ABCA3: variants seen among roughly 807,000 people sequenced by gnomAD.
The protein encoded by ABCA3 is phospholipid-transporting ATPase ABCA3.
A neutral mutation model predicts 172.8 loss-of-function variants in ABCA3; 88 were observed. That is an observed-to-expected ratio of 0.51 (90% confidence interval 0.43 to 0.61). The LOEUF is 0.61. Ranked by LOEUF, ABCA3 falls within the 20% of genes least tolerant of loss-of-function variation. ABCA3 has a pLI of 0.00. For synonymous variants in ABCA3, 1,066 were observed against 983.8 expected, an observed-to-expected ratio of 1.08 and a Z score of -1.56; for missense variants, 2,164 against 2,301.0, an observed-to-expected ratio of 0.94 and a Z score of 1.22.
rs1206299749 is a variant in ABCA3 at position 2,283,339 on chromosome 16, G to A, written c.3882C>T (p.Asn1294=). ...CCCCCGGGGCGCTCCAGGCATAGAA[G>A]TTCTCCTGGTACTGGATGTCTGTGG... is the stretch of plus-strand genomic sequence containing the variant. The part of the protein sequence containing the change: ...CKKYNIQYQE[N]FYAWSAPGVG... The change falls in exon 26 of 33, where the codon AAC becomes AAT. Residue 1294 remains asparagine, a synonymous_variant. Coordinates refer to ENST00000301732, the MANE Select transcript of ABCA3 (RefSeq NM_001089.3). This position sits in a 1 kb window ranked among gnomAD's most constrained non-coding sequence, Gnocchi z 5.4. The A allele has an allele frequency of 6.2e-7, 1 of 1,613,090 alleles. No homozygotes were observed. Among genetic ancestry groups the A allele is most frequent in the Admixed American group, 1.7e-5 (1 of 60,028 alleles).
At chr16:2,308,005 G>T (rs2093700522) in intron 11 of ABCA3, among the ~76,000 whole-genome samples, 1 of 152,214 alleles carries the variant, frequency 6.6e-6, no homozygotes, top group African/African-American at 2.4e-5. Flanking sequence ...GAGGCAGGAG[G>T]ATTGCTTGAG....
At position 2,288,433 on chromosome 16, in the gene ABCA3, G is replaced by A. The variant is rs546800759; in HGVS notation, c.2701-104C>T. ...TGTTCTGTGTGACGCCAGCCTGGGGGCCTGCAGCTGAGGTTGCACCGGAGA... is the reference window on the plus strand; with the variant it reads ...TGTTCTGTGTGACGCCAGCCTGGGGACCTGCAGCTGAGGTTGCACCGGAGA... On this transcript the variant is annotated intron_variant, in intron 20 of 32. Coordinates refer to ENST00000301732, the MANE Select transcript of ABCA3 (RefSeq NM_001089.3). The A allele has an allele frequency of 4.5e-6, 6 of 1,343,538 alleles. No homozygotes were observed. The South Asian group carries it at 7.0e-5, about 16-fold the overall frequency. The allele number at this position is 1,343,538 out of a possible 1,614,324, so 83.2% of individuals were successfully genotyped here. A position where few individuals can be genotyped will look rare whatever the true frequency, so the allele number is the denominator to read the frequency against.
rs757597941 is a variant in ABCA3 at position 2,279,386 on chromosome 16, G to A, written c.4360-256C>T. Among the ~76,000 whole-genome samples, 1 of 152,240 alleles carries A rather than the reference G, an allele frequency of 6.6e-6. No homozygotes were observed. Among genetic ancestry groups the A allele is most frequent in the Non-Finnish European group, 1.5e-5 (1 of 68,046 alleles). On this transcript the variant is annotated intron_variant, in intron 28 of 32. Transcript: ENST00000301732. This position sits in a 1 kb window ranked among gnomAD's most constrained non-coding sequence, Gnocchi z 4.4. ...GAGCTGCTCTCAGAGCCTGGTCCAG[G>A]ACAGGCAGCCATGGGGTTAGGTGGT...
chr16:2,297,455 C>A lies in ABCA3; in HGVS notation c.2137G>T (p.Asp713Tyr). ...IWDLLQRQKS[D>Y]RTIVLTTHFM... ...TGGGTGGTCAGCACGATGGTGCGGTCACTTTTCTGCCGCTGAAGAAGATCC... is the reference window on the plus strand; with the variant it reads ...TGGGTGGTCAGCACGATGGTGCGGTAACTTTTCTGCCGCTGAAGAAGATCC... The change falls in exon 17 of 33, where the codon GAC becomes TAC. Residue 713 changes from aspartate (D) to tyrosine (Y), a missense_variant. Asp to Tyr is a radical substitution (Grantham distance 160). Coordinates refer to ENST00000301732, the MANE Select transcript of ABCA3 (RefSeq NM_001089.3). The surrounding 1 kb of genome is among the most constrained non-coding windows in gnomAD (Gnocchi z 5.6). The A allele has an allele frequency of 1.2e-6, 2 of 1,613,778 alleles. No homozygotes were observed. The highest frequency in any genetic ancestry group is 1.7e-6 in the Non-Finnish European group (2 of 1,180,018).
Position 2,284,515 on chromosome 16 carries a change from G to T in ABCA3, c.3704-78C>A. On this transcript the variant is annotated intron_variant, in intron 24 of 32. Coordinates refer to ENST00000301732, the MANE Select transcript of ABCA3 (RefSeq NM_001089.3). The surrounding 1 kb of genome is among the most constrained non-coding windows in gnomAD (Gnocchi z 5.9). ...TCCAGGACGGGCCTGGTCAGGGCGGGCACAGGGCCTTATCCGTGCTGTGTG... is the reference window on the plus strand; with the variant it reads ...TCCAGGACGGGCCTGGTCAGGGCGGTCACAGGGCCTTATCCGTGCTGTGTG... 3 of 1,578,450 alleles carry T rather than the reference G, an allele frequency of 1.9e-6. No homozygotes were observed. In the South Asian group the frequency reaches 3.3e-5, roughly 18 times the overall value.
rs778589372 is a variant in ABCA3 at position 2,284,265 on chromosome 16, G to A, written c.3862+14C>T. The A allele has an allele frequency of 6.2e-7, 1 of 1,611,360 alleles. No homozygotes were observed. The highest frequency in any genetic ancestry group is 1.7e-5 in the Admixed American group (1 of 59,986). On this transcript the variant is annotated intron_variant, in intron 25 of 32. Transcript: ENST00000301732. The surrounding 1 kb of genome is among the most constrained non-coding windows in gnomAD (Gnocchi z 5.9). ...CGCAGGGGTGCTGCCCGGGGTCGGG[G>A]CTGGGACACTCACTATATTTCTTGC...
At position 2,319,614 on chromosome 16, in the gene ABCA3, A is replaced by G; in HGVS notation, c.840T>C (p.Arg280=). 3.1e-6 allele frequency: 5 copies of G among 1,613,214 alleles called. No homozygotes were observed. The highest frequency in any genetic ancestry group is 3.4e-6 in the Non-Finnish European group (4 of 1,180,008). The change falls in exon 8 of 33, where the codon CGT becomes CGC. Residue 280 remains arginine (R), a synonymous_variant. Transcript: ENST00000301732. ...TCCTTTCCTTCTCCTGCACGACAGC[A>G]CGGGCAATGGTGAGCGCGGTGTAGG... The part of the protein sequence containing the change: ...SFTYTALTIA[R]AVVQEKERRL...
At chr16:2,334,684 T>C (rs1055393301) in intron 1 of ABCA3, among the ~76,000 whole-genome samples, 1 of 151,238 alleles carries the variant, frequency 6.6e-6, no homozygotes, top group Admixed American at 6.6e-5. Flanking sequence ...ACCCAGCTAA[T>C]TTTTTGTATT....
rs574395494 is a variant in ABCA3 at position 2,339,862 on chromosome 16, G to A, written c.-539+711C>T. ...CCGGCCCTTCTGAAGCGTGGAGCCG[G>A]CTTGGAACAGAGCCAAGACACACGG... On this transcript the variant is annotated intron_variant, in intron 1 of 32. Transcript: ENST00000301732. Among the ~76,000 whole-genome samples the A allele has an allele frequency of 2.0e-3, 304 of 152,400 alleles. 1 individual carries two copies. The highest frequency in any genetic ancestry group is 7.1e-3 in the African/African-American group (294 of 41,598).
chr16:2,328,255 T>C (rs1426943948), intron 3 of ABCA3, among the ~76,000 whole-genome samples, 198 bp downstream of exon 3: 1 of 151,870 alleles, frequency 6.6e-6, no homozygotes, highest in African/African-American at 2.4e-5. Context: ...AGAGGCTGGG[T>C]GTGGTGGCTC....
rs2093655359 is a variant in ABCA3 at position 2,281,595 on chromosome 16, GAGGTCTGGTGGGACTA to G, written c.4036-102_4036-87del. 1 of 1,429,610 alleles carries G rather than the reference GAGGTCTGGTGGGACTA, an allele frequency of 7.0e-7. No homozygotes were observed. Among genetic ancestry groups the G allele is most frequent in the Admixed American group, 1.7e-5 (1 of 57,724 alleles). The allele number at this position is 1,429,610 out of a possible 1,614,324, so 88.6% of individuals were successfully genotyped here. ...AAGGGAGGGGCGGGGGTGGATGTGG[GAGGTCTGGTGGGACTA>G]AGGCCTTCAAGGCTTCTCGTCCCAA... On this transcript the variant is annotated intron_variant, in intron 26 of 32. Coordinates refer to ENST00000301732, the MANE Select transcript of ABCA3 (RefSeq NM_001089.3). This position sits in a 1 kb window ranked among gnomAD's most constrained non-coding sequence, Gnocchi z 4.7.
chr16:2,328,377 T>A (rs2093737684), intron 3 of ABCA3, 76 bp downstream of exon 3: 2 of 397,790 alleles, frequency 5.0e-6, no homozygotes, highest in African/African-American at 4.2e-5. Context: ...ACAAATAAAG[T>A]AAGAAAAAGG....
Position 2,299,887 on chromosome 16 carries a change from G to C in ABCA3, c.1611+118C>G, listed in dbSNP as rs555036092. 3.4e-6 allele frequency: 5 copies of C among 1,465,202 alleles called. No individual in the cohort carries two copies. The Admixed American group carries it at 5.2e-5, about 15-fold the overall frequency. The allele number at this position is 1,465,202 out of a possible 1,614,324, so 90.8% of individuals were successfully genotyped here. ...AGGGTTCCTGCCCTCCTTCAGGGCA[G>C]GAGGGAGCAAGGCTCAGAGGGAGCG... On this transcript the variant is annotated intron_variant, in intron 13 of 32. Coordinates refer to ENST00000301732, the MANE Select transcript of ABCA3 (RefSeq NM_001089.3).
intron 10 of ABCA3, among the ~76,000 whole-genome samples, chr16:2,310,280 C>T (rs989200713): frequency 6.6e-6 from 1 of 151,714 alleles, no homozygotes; most frequent in South Asian, 2.1e-4. Flanking sequence ...TGGTGGTGTG[C>T]GCCTGTAGTC....
Position 2,304,055 on chromosome 16 carries a change from C to G in ABCA3, c.1381G>C (p.Val461Leu). The change falls in exon 12 of 33, where the codon GTG (valine) becomes CTG (leucine). Residue 461 changes from valine (V) to leucine (L), a missense_variant. Physicochemically the swap from Val to Leu is conservative, Grantham distance 32. Around this residue, in one of 3 missense-constraint regions of ABCA3, gnomAD observed 1,343 missense variants for 1,369.6 expected, o/e 0.98. Coordinates refer to ENST00000301732, the MANE Select transcript of ABCA3 (RefSeq NM_001089.3). ...QVLGMLLLDS[V>L]LYGLVTWYME... ...TACCAGGTCACCAGGCCATAGAGCACAGAGTCCAGCAGCAGCATCCCCAGC... is the reference window on the plus strand; with the variant it reads ...TACCAGGTCACCAGGCCATAGAGCAGAGAGTCCAGCAGCAGCATCCCCAGC... 1 of 1,614,198 alleles carries G rather than the reference C, an allele frequency of 6.2e-7. No homozygotes were observed. The highest frequency in any genetic ancestry group is 8.5e-7 in the Non-Finnish European group (1 of 1,180,028).
intron 7 of ABCA3, 73 bp from the exon 8 acceptor site, chr16:2,319,913 G>T: frequency 6.3e-7 from 1 of 1,591,034 alleles, no homozygotes; most frequent in Non-Finnish European, 8.6e-7. Context: ...CACGTGCATG[G>T]GGTCCATGGG....
intron 19 of ABCA3, among the ~76,000 whole-genome samples, chr16:2,290,399 G>A (rs1009481913): frequency 6.6e-6 from 1 of 152,142 alleles, no homozygotes; most frequent in South Asian, 2.1e-4. Context: ...TTTCTCTTGA[G>A]ACCAGGAGCT....
In ABCA3 at chr16:2,317,693, G is replaced by T; in HGVS notation, c.945C>A (p.Phe315Leu). The T allele has an allele frequency of 6.2e-7, 1 of 1,614,246 alleles. No individual in the cohort carries two copies. Among genetic ancestry groups the T allele is most frequent in the Non-Finnish European group, 8.5e-7 (1 of 1,180,034 alleles). Reference sequence around the variant, plus strand: ...TCATGAAGGAGGCGGCGATGAGGAGGAAGAGGAAGAACAAGAGGAACCAGG... The same window carrying T: ...TCATGAAGGAGGCGGCGATGAGGAGTAAGAGGAAGAACAAGAGGAACCAGG... ...WSAWFLLFFLFLLIAASFMTL... is the reference protein window; with the variant it reads ...WSAWFLLFFLLLLIAASFMTL... Residue 315 changes from phenylalanine (F) to leucine (L), a missense_variant, in exon 9 of 33, where the codon TTC (phenylalanine) becomes TTA (leucine). This residue lies in a region of ABCA3 where 1,343 missense variants were observed against 1,369.6 expected (regional missense o/e 0.98). Transcript: ENST00000301732.
At position 2,301,046 on chromosome 16, in the gene ABCA3, C is replaced by A. The variant is rs7201581; in HGVS notation, c.1468-898G>T. ...GAGATCGAGACCATCCTGGCTAACA[C>A]GGTGAAACCCCGTCTCTACTAAAAA... On this transcript the variant is annotated intron_variant, in intron 12 of 32. Coordinates refer to ENST00000301732, the MANE Select transcript of ABCA3 (RefSeq NM_001089.3). Among the ~76,000 whole-genome samples the A allele has an allele frequency of 1.1e-4, 16 of 149,840 alleles. 1 individual carries two copies. Among genetic ancestry groups the A allele is most frequent in the South Asian group, 6.2e-4 (3 of 4,804 alleles).
Sources: allele counts gnomAD v4.1 joint callset (sites outside exome capture counted in the v4.1 genomes callset), GRCh38; gene constraint gnomAD v4.1.1; regional missense constraint gnomAD v4.1.1; non-coding constraint Gnocchi (gnomAD v3.1); transcripts MANE v1.5; gene names NCBI Gene and HGNC (gene_info 2026-07-23, HGNC 2026-07-21).